The following NLRP5 variants were observed in gnomAD, a reference collection of about 807,000 sequenced individuals.
The protein encoded by NLRP5 is NLR family pyrin domain containing 5, also known as NACHT, LRR and PYD domains-containing protein 5.
A neutral mutation model predicts 113.1 loss-of-function variants in NLRP5; 93 were observed. The ratio of observed to expected loss-of-function variants is 0.82; its 90% confidence interval spans 0.70 to 0.98. The LOEUF is 0.98. NLRP5 is among the 50% of genes least tolerant of loss of function. NLRP5 has a pLI of 0.00. For synonymous variants in NLRP5, 751 were observed against 600.7 expected, an observed-to-expected ratio of 1.25 and a Z score of -3.66; for missense variants, 1,808 against 1,514.3, an observed-to-expected ratio of 1.19 and a Z score of -3.22.
intron 9 of NLRP5, among the ~76,000 whole-genome samples, chr19:56,035,588 A>G (rs1319075154): frequency 6.6e-6 from 1 of 152,254 alleles, no homozygotes; most frequent in East Asian, 1.9e-4. Context: ...AGGAAAAAGC[A>G]TGAAGTCACT....
chr19:56,016,466 T>G (rs3103605), intron 4 of NLRP5, among the ~76,000 whole-genome samples: 19,436 of 152,212 alleles, frequency 0.13, 1,357 homozygotes, highest in Non-Finnish European at 0.16. Context: ...CTGAGAACAT[T>G]TAAAATCCTC....
At chr19:56,026,267 G>A (rs1982841246) in intron 6 of NLRP5, among the ~76,000 whole-genome samples, 1 of 151,912 alleles carries the variant, frequency 6.6e-6, no homozygotes, top group Admixed American at 6.6e-5. Flanking sequence ...AGTGGTTCAT[G>A]CCTGTAATCC....
chr19:55,997,722 G>A (rs745960155), upstream of NLRP5, among the ~76,000 whole-genome samples: 1 of 152,068 alleles, frequency 6.6e-6, no homozygotes, highest in Non-Finnish European at 1.5e-5. Context: ...AAATAGCTGG[G>A]TGTGGTGGCT....
At chr19:56,014,395 G>A (rs569749604) in intron 3 of NLRP5, among the ~76,000 whole-genome samples, 9 of 151,456 alleles carry the variant, frequency 5.9e-5, no homozygotes, top group East Asian at 5.9e-4. Flanking sequence ...CAGGGGAATC[G>A]CTTGAACCCA....
chr19:56,045,858 G>A (rs186242961), intron 11 of NLRP5, among the ~76,000 whole-genome samples: 21 of 152,308 alleles, frequency 1.4e-4, no homozygotes, highest in Admixed American at 2.0e-4. Context: ...ATGATAGAAT[G>A]TTGCAGGTTG....
In NLRP5 at chr19:56,061,508, C is replaced by CG. The variant is rs1317533257; in HGVS notation, c.3585dup (p.Tyr1196ValfsTer18). The stretch of plus-strand genomic sequence containing the variant: ...TTGGCATTCTTTTGATGAAGATGAC[C>CG]GGTACTGGTGGAAAAACTGAAGATA... On this transcript the variant is annotated frameshift_variant, in exon 15 of 15. Transcript: ENST00000390649. LOFTEE classifies it high-confidence loss of function. 6 of 1,613,868 alleles carry CG rather than the reference C, an allele frequency of 3.7e-6. No homozygotes were observed. The African/African-American group carries it at 8.0e-5, about 22-fold the overall frequency.
intron 11 of NLRP5, among the ~76,000 whole-genome samples, chr19:56,042,018 C>T (rs1177437759): frequency 1.3e-5 from 2 of 152,108 alleles, no homozygotes; most frequent in African/African-American, 2.4e-5. Context: ...CACTAAATAC[C>T]CTCAAAAAGG....
chr19:56,026,835 C>T, intron 6 of NLRP5, 78 bp from the exon 7 acceptor site: 1 of 1,453,484 alleles, frequency 6.9e-7, no homozygotes, highest in Non-Finnish European at 9.3e-7. Flanking sequence ...CTTGACCTCC[C>T]ACAGTGCTGG....
chr19:55,992,276 G>A, the NLRP5 span, among the ~76,000 whole-genome samples: 2 of 152,114 alleles, frequency 1.3e-5, no homozygotes, highest in Admixed American at 6.6e-5. Context: ...TCCTTGATGG[G>A]CATTTAGGTT....
Position 56,008,859 on chromosome 19 carries a change from AGGGGTGGAGTT to A in NLRP5, c.508+11_508+21del. ...AAGCAAGGAAAAAGTGCCAGGTTAGAGGGGTGGAGTTGGGGGAAATAGGATGTGCTTAAAGA... is the reference window on the plus strand; with the variant it reads ...AAGCAAGGAAAAAGTGCCAGGTTAGAGGGGGAAATAGGATGTGCTTAAAGA... On this transcript the variant is annotated splice_region_variant and intron_variant, in intron 3 of 14. Transcript: ENST00000390649. 1.2e-6 allele frequency: 2 copies of A among 1,611,356 alleles called. No individual in the cohort carries two copies. The highest frequency in any genetic ancestry group is 1.7e-6 in the Non-Finnish European group (2 of 1,178,662).
chr19:56,053,738 C>T lies in NLRP5; in HGVS notation c.3229C>T (p.Leu1077=). The change falls in exon 13 of 15, where the codon CTG becomes TTG. Residue 1077 remains leucine, a synonymous_variant. Transcript: ENST00000390649. ...GAGCCTGGATCTCACGGACAATGCC[C>T]TGGGTGACGGTGGGGTTGCTGCGCT... 6.2e-7 allele frequency: 1 copy of T among 1,613,946 alleles called. No individual in the cohort carries two copies. Among genetic ancestry groups the T allele is most frequent in the Non-Finnish European group, 8.5e-7 (1 of 1,179,874 alleles).
intron 2 of NLRP5, among the ~76,000 whole-genome samples, chr19:56,006,404 C>T (rs987284194): frequency 5.3e-5 from 8 of 149,740 alleles, no homozygotes. Flanking sequence ...TGCACATGTA[C>T]CCTAGAACTT....
chr19:56,030,992 G>A (rs563212722), intron 7 of NLRP5, among the ~76,000 whole-genome samples: 13 of 151,954 alleles, frequency 8.6e-5, no homozygotes, highest in East Asian at 5.9e-4. Flanking sequence ...GATGACAGGC[G>A]TGAGCGACTG....
upstream of NLRP5, among the ~76,000 whole-genome samples, chr19:55,999,212 CTTTTTTT>C (rs906346601): frequency 1.4e-4 from 16 of 111,716 alleles, no homozygotes; most frequent in South Asian, 1.2e-3. Flanking sequence ...TTTTCTTTTT[CTTTTTTT>C]TTTTTTTTTT....
the NLRP5 span, chr19:55,987,988 C>A: frequency 1.8e-3 from 1,985 of 1,100,252 alleles, 16 homozygotes; most frequent in African/African-American, 0.026. Flanking sequence ...CAGGCGTTAT[C>A]ATCCTGTATG....
At chr19:56,059,518 G>A (rs750983564) in intron 14 of NLRP5, among the ~76,000 whole-genome samples, 1 of 152,090 alleles carries the variant, frequency 6.6e-6, no homozygotes, top group Non-Finnish European at 1.5e-5. Context: ...TTTGAGGTTG[G>A]TTGTGGTATA....
chr19:56,036,055 A>ATTTTTTTTTTTTTTT (rs1261118713), intron 9 of NLRP5, among the ~76,000 whole-genome samples: 9 of 90,568 alleles, frequency 9.9e-5, no homozygotes, highest in African/African-American at 1.5e-4. Flanking sequence ...ATGAATTGAG[A>ATTTTTTTTTTTTTTT]TTCTTTTTTT....
At chr19:56,035,872 T>C (rs897566489) in intron 9 of NLRP5, among the ~76,000 whole-genome samples, 1 of 151,522 alleles carries the variant, frequency 6.6e-6, no homozygotes, top group African/African-American at 2.4e-5. Flanking sequence ...CCATTCACTA[T>C]CACATTGAGG....
In NLRP5 at chr19:56,050,533, G is replaced by T. The variant is rs373064581; in HGVS notation, c.3073G>T (p.Val1025Leu). The stretch of plus-strand genomic sequence containing the variant: ...CATGAACCCTGTGGAAGACAATGGC[G>T]TGAAGCTTCTGTGCGAGGTCATGAG... The change falls in exon 12 of 15, where the codon GTG becomes TTG. Residue 1025 changes from valine (V) to leucine (L), a missense_variant. Val to Leu is a conservative substitution (Grantham distance 32). Transcript: ENST00000390649. The T allele has an allele frequency of 2.2e-5, 36 of 1,613,854 alleles. No individual in the cohort carries two copies. The highest frequency in any genetic ancestry group is 3.0e-5 in the Non-Finnish European group (35 of 1,179,888).
Sources: gnomAD v4.1 joint callset for allele counts (sites outside exome capture counted in the v4.1 genomes callset) on GRCh38, gnomAD v4.1.1 for gene constraint, MANE v1.5 for transcripts, NCBI Gene and HGNC (gene_info 2026-07-23, HGNC 2026-07-21) for gene names.